The following IMPDH1 variants were observed in gnomAD, a reference collection of about 807,000 sequenced individuals.
IMPDH1 encodes the protein inosine monophosphate dehydrogenase 1.
A neutral mutation model predicts 73.5 loss-of-function variants in IMPDH1; 41 were observed. The observed-to-expected ratio is 0.56, with a 90% CI of 0.43 to 0.72. The LOEUF is 0.72. IMPDH1 is among the 30% of genes least tolerant of loss of function. The pLI, the probability that IMPDH1 is intolerant of heterozygous loss-of-function variation, is 0.00. For missense variants in IMPDH1, 645 were observed against 824.8 expected (o/e 0.78, Z 2.67); for synonymous variants, 318 against 334.3 (o/e 0.95, Z 0.53).
chr7:128,406,176 G>A (rs1282292394), intron 3 of IMPDH1, among the ~76,000 whole-genome samples: 2 of 72,096 alleles, frequency 2.8e-5, no homozygotes, highest in South Asian at 5.9e-4. Context: ...CCGCAAGCCC[G>A]GACCGGGTAG....
rs1797766580 is a variant in IMPDH1 at position 128,394,487 on chromosome 7, C to T, written c.1663G>A (p.Asp555Asn). 1 of 1,614,082 alleles carries T rather than the reference C, an allele frequency of 6.2e-7. No homozygotes were observed. The highest frequency in any genetic ancestry group is 2.2e-5 in the East Asian group (1 of 44,862). ...ACAGACAGGCTGCGGGCCCCGATAT[C>T]CTGGCAGCCGTGTTGGATGCCTGCT... ...LIAGIQHGCQ[D>N]IGARSLSVLR... The change falls in exon 15 of 17, where the codon GAT (aspartate) becomes AAT (asparagine). Residue 555 changes from aspartate (D) to asparagine (N), a missense_variant. By Grantham distance (23) the Asp-to-Asn change is conservative. Coordinates refer to ENST00000338791, the MANE Select transcript of IMPDH1 (RefSeq NM_000883.4). The surrounding 1 kb of genome is among the most constrained non-coding windows in gnomAD (Gnocchi z 5.5).
rs1466512807 is a variant in IMPDH1, at chr7:128,392,436, G to T, written c.*571C>A. Reference sequence around the variant, plus strand: ...GGTGGTGAGTCAGGAATGACAGGCAGGCGGCCATGACCAGGGCAGTCTCCT... The same window carrying T: ...GGTGGTGAGTCAGGAATGACAGGCATGCGGCCATGACCAGGGCAGTCTCCT... On this transcript the variant is annotated 3_prime_UTR_variant, in exon 17 of 17. Transcript: ENST00000338791. 1 of 154,642 alleles carries T rather than the reference G, an allele frequency of 6.5e-6. No homozygotes were observed. Among genetic ancestry groups the T allele is most frequent in the East Asian group, 1.9e-4 (1 of 5,220 alleles). The allele number at this position is 154,642 out of a possible 1,614,324, so 9.6% of individuals were successfully genotyped here.
In IMPDH1 at chr7:128,398,319, C is replaced by A; in HGVS notation, c.1074+95G>T. 1 of 960,650 alleles carries A rather than the reference C, an allele frequency of 1.0e-6. No individual in the cohort carries two copies. The highest frequency in any genetic ancestry group is 1.7e-6 in the Non-Finnish European group (1 of 605,192). The allele number at this position is 960,650 out of a possible 1,614,324, so 59.5% of individuals were successfully genotyped here. On this transcript the variant is annotated intron_variant, in intron 10 of 16. Coordinates refer to ENST00000338791, the MANE Select transcript of IMPDH1 (RefSeq NM_000883.4). This position sits in a 1 kb window ranked among gnomAD's most constrained non-coding sequence, Gnocchi z 4.3. ...GAGAGGAAGAGTAGCAAGGGAGGGG[C>A]ACAGGCTTAATCAGAGGTGAACCTG...
chr7:128,407,684 G>A (rs1798869514), intron 3 of IMPDH1, among the ~76,000 whole-genome samples: 1 of 152,144 alleles, frequency 6.6e-6, no homozygotes, highest in Non-Finnish European at 1.5e-5. Flanking sequence ...CTGGGTTACT[G>A]GGTCACTAAA....
chr7:128,392,885 T>C lies in IMPDH1; in HGVS notation c.*122A>G, dbSNP rs1797627398. ...CTCAGGACCTCCCCTCCTCTCTGCC[T>C]GGAAAGGAGCTGGAGAACCCGTAGT... On this transcript the variant is annotated 3_prime_UTR_variant, in exon 17 of 17. Coordinates refer to ENST00000338791, the MANE Select transcript of IMPDH1 (RefSeq NM_000883.4). 3.1e-6 allele frequency: 3 copies of C among 978,072 alleles called. No individual in the cohort carries two copies. The highest frequency in any genetic ancestry group is 1.3e-5 in the South Asian group (1 of 74,238). 60.6% of individuals were successfully genotyped at this position (978,072 alleles called of 1,614,324 possible).
intron 13 of IMPDH1, 23 bp from the exon 14 acceptor site, chr7:128,395,056 G>A: frequency 6.2e-7 from 1 of 1,613,796 alleles, no homozygotes; most frequent in Non-Finnish European, 8.5e-7. Flanking sequence ...AGGGATTAGT[G>A]CCTCCAGCCC....
At chr7:128,395,071 G>T (rs758354752) in intron 13 of IMPDH1, 38 bp from the exon 14 acceptor site, 2 of 1,613,350 alleles carry the variant, frequency 1.2e-6, no homozygotes, top group Admixed American at 3.3e-5. Flanking sequence ...CAGCCCACTA[G>T]TGCCACCCCC....
Position 128,392,663 on chromosome 7 carries a change from C to A in IMPDH1, c.*344G>T. On this transcript the variant is annotated 3_prime_UTR_variant, in exon 17 of 17. Transcript: ENST00000338791. The stretch of plus-strand genomic sequence containing the variant: ...GGGAGGCTAGGGGCAGGGAGGTGCC[C>A]TACAGGAGAAGCCAGGAGGGGCCGC... 2.9e-6 allele frequency: 1 copy of A among 339,966 alleles called. No individual in the cohort carries two copies. The highest frequency in any genetic ancestry group is 5.6e-6 in the Non-Finnish European group (1 of 179,772). The allele number at this position is 339,966 out of a possible 1,614,324, so 21.1% of individuals were successfully genotyped here.
chr7:128,405,760 C>A lies in IMPDH1; in HGVS notation c.353+7G>T, dbSNP rs72624948. 46 of 1,535,132 alleles carry A rather than the reference C, an allele frequency of 3.0e-5. No homozygotes were observed. In the African/African-American group the frequency reaches 6.3e-4, roughly 21 times the overall value. ...GCGCACCTAGGGGTACGAGACCCGGCGCTTACTTGTAGGTGAGGCCGTCGG... is the reference window on the plus strand; with the variant it reads ...GCGCACCTAGGGGTACGAGACCCGGAGCTTACTTGTAGGTGAGGCCGTCGG... On this transcript the variant is annotated splice_region_variant and intron_variant, in intron 4 of 16. Coordinates refer to ENST00000338791, the MANE Select transcript of IMPDH1 (RefSeq NM_000883.4).
At position 128,409,396 on chromosome 7, in the gene IMPDH1, C is replaced by T. The variant is rs766847844; in HGVS notation, c.191-44G>A. ...GGAGGGGTAAGCCAAGTCAGTCGGA[C>T]AGGACTCCAGCAAGCACTGTTTGAA... On this transcript the variant is annotated intron_variant, in intron 2 of 16. Coordinates refer to ENST00000338791, the MANE Select transcript of IMPDH1 (RefSeq NM_000883.4). The T allele has an allele frequency of 1.9e-6, 3 of 1,614,068 alleles. No homozygotes were observed. The Admixed American group carries it at 5.0e-5, about 27-fold the overall frequency.
chr7:128,396,248 A>C lies in IMPDH1; in HGVS notation c.1261+352T>G, dbSNP rs768230461. On this transcript the variant is annotated intron_variant, in intron 12 of 16. Transcript: ENST00000338791. The surrounding 1 kb of genome is among the most constrained non-coding windows in gnomAD (Gnocchi z 4.0). ...TGAAGCAGGTGTATAACATATCTTT[A>C]TATATTCAGGGACATGTCGTCTCTG... Among the ~76,000 whole-genome samples, 1 of 152,190 alleles carries C rather than the reference A, an allele frequency of 6.6e-6. No homozygotes were observed. Among genetic ancestry groups the C allele is most frequent in the Non-Finnish European group, 1.5e-5 (1 of 68,030 alleles).
Position 128,398,328 on chromosome 7 carries a change from A to T in IMPDH1, c.1074+86T>A. ...AGTAGCAAGGGAGGGGCACAGGCTT[A>T]ATCAGAGGTGAACCTGGGTCCTCAT... is the stretch of plus-strand genomic sequence containing the variant. On this transcript the variant is annotated intron_variant, in intron 10 of 16. Coordinates refer to ENST00000338791, the MANE Select transcript of IMPDH1 (RefSeq NM_000883.4). The surrounding 1 kb of genome is among the most constrained non-coding windows in gnomAD (Gnocchi z 4.3). 9.3e-7 allele frequency: 1 copy of T among 1,071,646 alleles called. No individual in the cohort carries two copies. The highest frequency in any genetic ancestry group is 1.4e-6 in the Non-Finnish European group (1 of 696,892). The allele number at this position is 1,071,646 out of a possible 1,614,324, so 66.4% of individuals were successfully genotyped here.
At chr7:128,409,401 C>A in intron 2 of IMPDH1, 40 bp downstream of exon 2, 1 of 1,614,200 alleles carries the variant, frequency 6.2e-7, no homozygotes, top group South Asian at 1.1e-5. Context: ...TCGGACAGGA[C>A]TCCAGCAAGC....
chr7:128,403,852 G>T, intron 4 of IMPDH1, 98 bp from the exon 5 acceptor site: 2 of 1,039,066 alleles, frequency 1.9e-6, no homozygotes, highest in Admixed American at 1.7e-5. Flanking sequence ...GTACAGAAAA[G>T]CCTAGAGGAG....
At chr7:128,407,867 G>A (rs1798881079) in intron 3 of IMPDH1, among the ~76,000 whole-genome samples, 1 of 152,140 alleles carries the variant, frequency 6.6e-6, no homozygotes, top group African/African-American at 2.4e-5. Context: ...GGCATGGGGA[G>A]GGTCACCTTC....
chr7:128,394,795 G>A lies in IMPDH1; in HGVS notation c.1550+94C>T. On this transcript the variant is annotated intron_variant, in intron 14 of 16. Transcript: ENST00000338791. This position sits in a 1 kb window ranked among gnomAD's most constrained non-coding sequence, Gnocchi z 5.5. ...GCCTCAGTTTCCAGAACCACCATAT[G>A]GGGACTGGCTGCCATCTGGGGAAGT... The A allele has an allele frequency of 6.6e-7, 1 of 1,512,994 alleles. No homozygotes were observed. Among genetic ancestry groups the A allele is most frequent in the Non-Finnish European group, 9.1e-7 (1 of 1,097,120 alleles). 93.7% of individuals were successfully genotyped at this position (1,512,994 alleles called of 1,614,324 possible). A position where few individuals can be genotyped will look rare whatever the true frequency, so the allele number is the denominator to read the frequency against.
intron 10 of IMPDH1, among the ~76,000 whole-genome samples, chr7:128,397,545 T>C (rs1334204980): frequency 6.6e-6 from 1 of 152,208 alleles, no homozygotes; most frequent in African/African-American, 2.4e-5. Flanking sequence ...TTGCAGTCTG[T>C]TGTGAGCTGT....
At chr7:128,405,630 C>T in intron 4 of IMPDH1, 137 bp downstream of exon 4, 3 of 1,288,564 alleles carry the variant, frequency 2.3e-6, no homozygotes, top group Non-Finnish European at 3.0e-6. Flanking sequence ...CCTTCCTTCC[C>T]GTGCCCAGCC....
At chr7:128,399,118 C>T (rs575679421) in intron 9 of IMPDH1, among the ~76,000 whole-genome samples, 1 of 152,276 alleles carries the variant, frequency 6.6e-6, no homozygotes, top group African/African-American at 2.4e-5. Flanking sequence ...AGCTTCCTCA[C>T]TTTGGGAGGC....
Sources: gnomAD v4.1 joint callset for allele counts (sites outside exome capture counted in the v4.1 genomes callset) on GRCh38, gnomAD v4.1.1 for gene constraint, Gnocchi (gnomAD v3.1) non-coding constraint, MANE v1.5 for transcripts, NCBI Gene and HGNC (gene_info 2026-07-23, HGNC 2026-07-21) for gene names.